The following SLC11A2 variants were observed in gnomAD, a reference collection of about 807,000 sequenced individuals.
The protein encoded by SLC11A2 is solute carrier family 11 member 2.
A neutral mutation model predicts 68.0 loss-of-function variants in SLC11A2; 38 were observed. The observed-to-expected ratio is 0.56, with a 90% CI of 0.43 to 0.73. The LOEUF is 0.73. SLC11A2 is among the 30% of genes least tolerant of loss of function. The probability of loss-of-function intolerance (pLI) is 0.00; values close to 1 mark genes in which losing one functional copy is unlikely to be tolerated. For synonymous variants in SLC11A2, 242 were observed against 250.6 expected, an observed-to-expected ratio of 0.97 and a Z score of 0.32; for missense variants, 517 against 690.5, an observed-to-expected ratio of 0.75 and a Z score of 2.82.
Position 50,999,287 on chromosome 12 carries a change from C to T in SLC11A2, c.608-46G>A, listed in dbSNP as rs17216065. ...GTGAGCTCAGAGAAGGTAGACTTCC[C>T]CATCTGCCACATGACAGAGAGCAGC... On this transcript the variant is annotated intron_variant, in intron 7 of 15. Transcript: ENST00000262052. The T allele has an allele frequency of 9.1e-5, 146 of 1,607,712 alleles. 4 individuals carry two copies. In the South Asian group the frequency reaches 1.6e-3, roughly 17 times the overall value.
intron 13 of SLC11A2, among the ~76,000 whole-genome samples, chr12:50,991,930 G>A (rs1941192594): frequency 2.0e-5 from 3 of 152,268 alleles, no homozygotes; most frequent in Non-Finnish European, 4.4e-5. Flanking sequence ...TTCATTTAAT[G>A]TTTGCTTGCA....
Position 50,995,615 on chromosome 12 carries a change from C to A in SLC11A2, c.990+14G>T. 6.2e-7 allele frequency: 1 copy of A among 1,613,946 alleles called. No homozygotes were observed. The highest frequency in any genetic ancestry group is 8.5e-7 in the Non-Finnish European group (1 of 1,179,866). ...CCTCACATTCACTACCACCCATAAC[C>A]CTGGCTTACTCACCACCTGCTCGTT... On this transcript the variant is annotated intron_variant, in intron 10 of 15. Coordinates refer to ENST00000262052, the MANE Select transcript of SLC11A2 (RefSeq NM_000617.3).
chr12:51,025,594 A>G (rs1944326826), intron 1 of SLC11A2: 5 of 276,936 alleles, frequency 1.8e-5, no homozygotes, highest in African/African-American at 2.3e-5. Context: ...CTTTTGCAAG[A>G]GATGTCACAT....
At chr12:50,982,177 A>G (rs763780244), downstream of SLC11A2, among the ~76,000 whole-genome samples, 10 of 152,224 alleles carry the variant, frequency 6.6e-5, no homozygotes, top group Non-Finnish European at 1.5e-5. Context: ...AATGGTTTCA[A>G]TCCTGAGCCC....
In SLC11A2 at chr12:50,986,867, G is replaced by C. The variant is rs1940623865; in HGVS notation, c.*1458C>G. The C allele has an allele frequency of 7.8e-7, 1 of 1,287,172 alleles. No individual in the cohort carries two copies. Among genetic ancestry groups the C allele is most frequent in the African/African-American group, 1.5e-5 (1 of 65,894 alleles). The allele number at this position is 1,287,172 out of a possible 1,614,324, so 79.7% of individuals were successfully genotyped here. Reference sequence around the variant, plus strand: ...CGCTTTTGACTGTGTGCAAGTATCAGTAATAATGCTTTTGGGGGCTCAGAT... The same window carrying C: ...CGCTTTTGACTGTGTGCAAGTATCACTAATAATGCTTTTGGGGGCTCAGAT... On this transcript the variant is annotated 3_prime_UTR_variant, in exon 16 of 16. Transcript: ENST00000262052.
chr12:50,999,114 TA>T (rs1011713779), intron 8 of SLC11A2, 59 bp downstream of exon 8: 17,038 of 960,332 alleles, frequency 0.018, no homozygotes, highest in Middle Eastern at 0.02. Context: ...AATAAAAGGC[TA>T]AAAAAAAAAA....
intron 2 of SLC11A2, 111 bp from the exon 3 acceptor site, chr12:51,008,735 C>T: frequency 1.3e-6 from 1 of 787,390 alleles, no homozygotes; most frequent in Non-Finnish European, 2.2e-6. Flanking sequence ...CACAAGAGAC[C>T]AACCTGACTC....
At position 50,996,226 on chromosome 12, in the gene SLC11A2, G is replaced by A. The variant is rs372432558; in HGVS notation, c.832-439C>T. On this transcript the variant is annotated intron_variant, in intron 9 of 15. Coordinates refer to ENST00000262052, the MANE Select transcript of SLC11A2 (RefSeq NM_000617.3). ...ACTCCTGACCTCCATAAGGCCACTC[G>A]AGCTTTTGAAATTTAAACACAAGAG... 2.5e-4 allele frequency among the ~76,000 whole-genome samples: 38 copies of A among 152,206 alleles called. 1 individual carries two copies. The South Asian group carries it at 7.3e-3, about 29-fold the overall frequency.
intron 2 of SLC11A2, chr12:51,009,033 C>G (rs542491009): frequency 3.7e-6 from 3 of 814,340 alleles, no homozygotes; most frequent in Admixed American, 2.1e-5. Flanking sequence ...CTCCTGGTAA[C>G]CTAAAATCCT....
At chr12:51,010,213 A>AG (rs1380754167) in intron 2 of SLC11A2, among the ~76,000 whole-genome samples, 1 of 59,132 alleles carries the variant, frequency 1.7e-5, no homozygotes, top group Admixed American at 2.0e-4. Flanking sequence ...ACAAACAAAC[A>AG]AAAAAAAAAC....
downstream of SLC11A2, among the ~76,000 whole-genome samples, chr12:50,984,749 TA>T (rs1223170694): frequency 1.3e-5 from 2 of 152,214 alleles, no homozygotes; most frequent in African/African-American, 2.4e-5. Flanking sequence ...AACTTACTTT[TA>T]AAAATTCTGC....
At position 50,988,451 on chromosome 12, in the gene SLC11A2, T is replaced by C; in HGVS notation, c.1576-16A>G. 1 of 1,613,678 alleles carries C rather than the reference T, an allele frequency of 6.2e-7. No homozygotes were observed. Among genetic ancestry groups the C allele is most frequent in the Non-Finnish European group, 8.5e-7 (1 of 1,179,738 alleles). On this transcript the variant is annotated splice_polypyrimidine_tract_variant and intron_variant, in intron 15 of 15. Transcript: ENST00000262052. ...ATTGCCAACCCTGAAAGACAAAATATGGTCATCACTCACCAGGCTCTTTGA... is the reference window on the plus strand; with the variant it reads ...ATTGCCAACCCTGAAAGACAAAATACGGTCATCACTCACCAGGCTCTTTGA...
downstream of SLC11A2, among the ~76,000 whole-genome samples, chr12:50,975,961 A>C (rs967602887): frequency 6.6e-6 from 1 of 152,194 alleles, no homozygotes; most frequent in African/African-American, 2.4e-5. Flanking sequence ...GAATCTCTGA[A>C]TAGACCAATA....
intron 1 of SLC11A2, among the ~76,000 whole-genome samples, chr12:51,021,688 G>C (rs895572889): frequency 1.3e-5 from 2 of 151,858 alleles, no homozygotes; most frequent in African/African-American, 4.8e-5. Context: ...TCTCACCTGA[G>C]CTGGACTTTT....
intron 1 of SLC11A2, among the ~76,000 whole-genome samples, chr12:51,020,595 GTC>G (rs144314513): frequency 2.1e-4 from 31 of 149,478 alleles, no homozygotes; most frequent in Non-Finnish European, 2.4e-4. Flanking sequence ...ACATGAACCA[GTC>G]TCTCTCTCTC....
At chr12:50,966,519 C>T in the SLC11A2 span, among the ~76,000 whole-genome samples, 1 of 152,196 alleles carries the variant, frequency 6.6e-6, no homozygotes, top group Non-Finnish European at 1.5e-5. Context: ...CACCTCCACA[C>T]CCTCAGTTGT....
At chr12:50,957,285 A>C in the SLC11A2 span, among the ~76,000 whole-genome samples, 128 of 151,602 alleles carry the variant, frequency 8.4e-4, no homozygotes, top group African/African-American at 3.0e-3. Context: ...ATCCTGGCTC[A>C]CTACAACCTC....
intron 8 of SLC11A2, among the ~76,000 whole-genome samples, chr12:50,998,699 G>C (rs1278283067): frequency 6.6e-6 from 1 of 152,146 alleles, no homozygotes; most frequent in Non-Finnish European, 1.5e-5. Flanking sequence ...GTGACTCTAA[G>C]GAGTTTCTGG....
chr12:50,993,750 C>T (rs1483363781), intron 11 of SLC11A2, among the ~76,000 whole-genome samples: 1 of 151,716 alleles, frequency 6.6e-6, no homozygotes, highest in Non-Finnish European at 1.5e-5. Flanking sequence ...AGCACTTGAA[C>T]CCGGAAGGCA....
Sources: gnomAD v4.1 joint callset for allele counts (sites outside exome capture counted in the v4.1 genomes callset) on GRCh38, gnomAD v4.1.1 for gene constraint, MANE v1.5 for transcripts, NCBI Gene and HGNC (gene_info 2026-07-23, HGNC 2026-07-21) for gene names.